Variants in INSM1 observed in about 807,000 individuals in gnomAD.
The protein encoded by INSM1 is INSM transcriptional repressor 1.
Under a neutral mutation model 21.1 loss-of-function variants are expected in INSM1, and 11 were observed. The ratio of observed to expected loss-of-function variants is 0.52; its 90% confidence interval spans 0.33 to 0.86. The LOEUF is 0.86. INSM1 is among the 40% of genes least tolerant of loss of function. INSM1 has a pLI of 0.03. For missense variants in INSM1, 843 were observed against 760.1 expected (o/e 1.11, Z -1.28); for synonymous variants, 473 against 386.1 (o/e 1.23, Z -2.64).
In INSM1 at chr20:20,369,374, C is replaced by T; in HGVS notation, c.1107C>T (p.Cys369=). ...ESGSEDGLYE[C]HHCAKKFRRQ... ...GCTCCGAGGACGGGCTCTACGAGTG[C>T]CATCACTGCGCCAAGAAGTTCCGCC... is the stretch of plus-strand genomic sequence containing the variant. Residue 369 remains cysteine (C), a synonymous_variant, in exon 1 of 1, where the codon TGC becomes TGT. Coordinates refer to ENST00000310227, the MANE Select transcript of INSM1 (RefSeq NM_002196.3). This position sits in a 1 kb window ranked among gnomAD's most constrained non-coding sequence, Gnocchi z 5.6. 6.5e-7 allele frequency: 1 copy of T among 1,544,646 alleles called. No individual in the cohort carries two copies. The highest frequency in any genetic ancestry group is 1.9e-5 in the Admixed American group (1 of 52,030).
chr20:20,369,624 A>G lies in INSM1; in HGVS notation c.1357A>G (p.Lys453Glu). The change falls in exon 1 of 1, where the codon AAG becomes GAG. Residue 453 changes from lysine (K) to glutamate (E), a missense_variant. By Grantham distance (56) the Lys-to-Glu change is moderately conservative (BLOSUM62 1). Coordinates refer to ENST00000310227, the MANE Select transcript of INSM1 (RefSeq NM_002196.3). The surrounding 1 kb of genome is among the most constrained non-coding windows in gnomAD (Gnocchi z 5.6). ...AGTGTGCGGAGAGTCGTTCGCCAGC[A>G]AGGGCGCTCAGGAGCGCCACCTGCG... is the stretch of plus-strand genomic sequence containing the variant. Reference protein sequence around the residue: ...CPVCGESFASKGAQERHLRLL... With the variant: ...CPVCGESFASEGAQERHLRLL... 1 of 1,600,724 alleles carries G rather than the reference A, an allele frequency of 6.2e-7. No homozygotes were observed. Among genetic ancestry groups the G allele is most frequent in the Non-Finnish European group, 8.5e-7 (1 of 1,179,696 alleles).
In INSM1 at chr20:20,370,561, G is replaced by A. The variant is rs557726853; in HGVS notation, c.*761G>A. The A allele has an allele frequency of 6.0e-6, 1 of 166,946 alleles. No individual in the cohort carries two copies. Among genetic ancestry groups the A allele is most frequent in the Non-Finnish European group, 1.5e-5 (1 of 68,090 alleles). The allele number at this position is 166,946 out of a possible 1,614,324, so 10.3% of individuals were successfully genotyped here. A position where few individuals can be genotyped will look rare whatever the true frequency, so the allele number is the denominator to read the frequency against. ...CCTCTAAATGTATATGTTGATTTAT[G>A]AGTAATTGTTATTTATTCTTTATTT... On this transcript the variant is annotated 3_prime_UTR_variant, in exon 1 of 1. Transcript: ENST00000310227.
chr20:20,368,622 A>C lies in INSM1; in HGVS notation c.355A>C (p.Ser119Arg), dbSNP rs768352087. Residue 119 changes from serine (S) to arginine (R), a missense_variant, in exon 1 of 1, where the codon AGC (serine) becomes CGC (arginine). Transcript: ENST00000310227. The surrounding 1 kb of genome is among the most constrained non-coding windows in gnomAD (Gnocchi z 4.3). ...EHEKHKYFER[S>R]FNLGSPVSAE... Reference sequence around the variant, plus strand: ...CGAGAAGCACAAGTACTTCGAACGCAGCTTCAACCTGGGCTCGCCGGTCTC... The same window carrying C: ...CGAGAAGCACAAGTACTTCGAACGCCGCTTCAACCTGGGCTCGCCGGTCTC... 1.4e-6 allele frequency: 2 copies of C among 1,462,008 alleles called. No homozygotes were observed. The highest frequency in any genetic ancestry group is 1.3e-5 in the South Asian group (1 of 79,674). The allele number at this position is 1,462,008 out of a possible 1,614,324, so 90.6% of individuals were successfully genotyped here. A position where few individuals can be genotyped will look rare whatever the true frequency, so the allele number is the denominator to read the frequency against.
In INSM1 at chr20:20,369,576, T is replaced by C. The variant is rs780094822; in HGVS notation, c.1309T>C (p.Ser437Pro). 19 of 1,597,688 alleles carry C rather than the reference T, an allele frequency of 1.2e-5. No homozygotes were observed. The East Asian group carries it at 3.1e-4, about 26-fold the overall frequency. ...GGCCGGCGTGCTGGGCCTGAGTGCGTCCGCCGAGTGCCACCTGTGCCCAGT... is the reference window on the plus strand; with the variant it reads ...GGCCGGCGTGCTGGGCCTGAGTGCGCCCGCCGAGTGCCACCTGTGCCCAGT... ...EGAGVLGLSA[S>P]AECHLCPVCG... The change falls in exon 1 of 1, where the codon TCC (serine) becomes CCC (proline). Residue 437 changes from serine to proline, a missense_variant. Transcript: ENST00000310227. This position sits in a 1 kb window ranked among gnomAD's most constrained non-coding sequence, Gnocchi z 5.6.
rs7272722 is a variant in INSM1, at chr20:20,370,190, A to G, written c.*390A>G. 5.0e-6 allele frequency: 1 copy of G among 201,572 alleles called. No individual in the cohort carries two copies. The highest frequency in any genetic ancestry group is 1.7e-4 in the South Asian group (1 of 5,860). 12.5% of individuals were successfully genotyped at this position (201,572 alleles called of 1,614,324 possible). ...AATGCGGTCTGGTCTCGCCTCGCCT[A>G]CCAATCTCTGCTCTCTATGTATGTA... On this transcript the variant is annotated 3_prime_UTR_variant, in exon 1 of 1. Coordinates refer to ENST00000310227, the MANE Select transcript of INSM1 (RefSeq NM_002196.3).
In INSM1 at chr20:20,368,222, G is replaced by GCGGAGGGGGGACCGAGC; in HGVS notation, c.-44_-28dup. On this transcript the variant is annotated 5_prime_UTR_variant, in exon 1 of 1. Transcript: ENST00000310227. The surrounding 1 kb of genome is among the most constrained non-coding windows in gnomAD (Gnocchi z 4.3). ...GCACTGAGGGCCGCCGGGGCCGAGC[G>GCGGAGGGGGGACCGAGC]CGGAGGGGGGACCGAGCCAGTGCCG... is the stretch of plus-strand genomic sequence containing the variant. The GCGGAGGGGGGACCGAGC allele has an allele frequency of 1.9e-6, 2 of 1,080,974 alleles. No homozygotes were observed. The highest frequency in any genetic ancestry group is 2.2e-6 in the Non-Finnish European group (2 of 890,728). The allele number at this position is 1,080,974 out of a possible 1,614,324, so 67.0% of individuals were successfully genotyped here.
chr20:20,368,250 C>T lies in INSM1; in HGVS notation c.-18C>T. On this transcript the variant is annotated 5_prime_UTR_variant, in exon 1 of 1. Transcript: ENST00000310227. The surrounding 1 kb of genome is among the most constrained non-coding windows in gnomAD (Gnocchi z 4.3). ...GAGGGGGGACCGAGCCAGTGCCGTG[C>T]CCTCGGGCCGCGCCAACATGCCCCG... is the stretch of plus-strand genomic sequence containing the variant. 8.2e-7 allele frequency: 1 copy of T among 1,213,394 alleles called. No individual in the cohort carries two copies. The highest frequency in any genetic ancestry group is 1.0e-6 in the Non-Finnish European group (1 of 962,996). The allele number at this position is 1,213,394 out of a possible 1,614,324, so 75.2% of individuals were successfully genotyped here.
chr20:20,368,731 G>T lies in INSM1; in HGVS notation c.464G>T (p.Cys155Phe), dbSNP rs2122525984. The change falls in exon 1 of 1, where the codon TGC becomes TTC. Residue 155 changes from cysteine (C) to phenylalanine (F), a missense_variant. Cys to Phe is a radical substitution (Grantham distance 205). Coordinates refer to ENST00000310227, the MANE Select transcript of INSM1 (RefSeq NM_002196.3). This position sits in a 1 kb window ranked among gnomAD's most constrained non-coding sequence, Gnocchi z 4.3. The stretch of plus-strand genomic sequence containing the variant: ...AGCGGAGCTGGCGGAGGCGGCACCT[G>T]CGGCGGCGACCCGCTGCTCTTCGCG... The part of the protein sequence containing the change: ...GASGAGGGGT[C>F]GGDPLLFAPA... The T allele has an allele frequency of 3.0e-5, 36 of 1,188,376 alleles. No homozygotes were observed. The highest frequency in any genetic ancestry group is 3.8e-5 in the Non-Finnish European group (36 of 948,290). The allele number at this position is 1,188,376 out of a possible 1,614,324, so 73.6% of individuals were successfully genotyped here. A position where few individuals can be genotyped will look rare whatever the true frequency, so the allele number is the denominator to read the frequency against.
Position 20,369,598 on chromosome 20 carries a change from C to T in INSM1, c.1331C>T (p.Pro444Leu), listed in dbSNP as rs748646966. The change falls in exon 1 of 1, where the codon CCA (proline) becomes CTA (leucine). Residue 444 changes from proline (P) to leucine (L), a missense_variant. Transcript: ENST00000310227. This position sits in a 1 kb window ranked among gnomAD's most constrained non-coding sequence, Gnocchi z 5.6. ...LSASAECHLC[P>L]VCGESFASKG... ...GCGTCCGCCGAGTGCCACCTGTGCCCAGTGTGCGGAGAGTCGTTCGCCAGC... is the reference window on the plus strand; with the variant it reads ...GCGTCCGCCGAGTGCCACCTGTGCCTAGTGTGCGGAGAGTCGTTCGCCAGC... 7 of 1,600,432 alleles carry T rather than the reference C, an allele frequency of 4.4e-6. No individual in the cohort carries two copies. In the Admixed American group the frequency reaches 6.7e-5, roughly 15 times the overall value.
Position 20,369,096 on chromosome 20 carries a change from G to C in INSM1, c.829G>C (p.Ala277Pro). ...FICQLCKEEYADPFALAQHKC... is the reference protein window; with the variant it reads ...FICQLCKEEYPDPFALAQHKC... ...CTGCCAGCTGTGCAAGGAGGAGTAC[G>C]CCGACCCGTTCGCGCTGGCGCAGCA... Residue 277 changes from alanine to proline, a missense_variant, in exon 1 of 1, where the codon GCC becomes CCC. Ala to Pro is a conservative substitution (Grantham distance 27, BLOSUM62 -1). Transcript: ENST00000310227. This position sits in a 1 kb window ranked among gnomAD's most constrained non-coding sequence, Gnocchi z 5.6. 6.3e-7 allele frequency: 1 copy of C among 1,587,374 alleles called. No individual in the cohort carries two copies. The highest frequency in any genetic ancestry group is 1.4e-5 in the African/African-American group (1 of 71,962).
chr20:20,370,484 C>T lies in INSM1; in HGVS notation c.*684C>T, dbSNP rs1351771970. 1 of 167,084 alleles carries T rather than the reference C, an allele frequency of 6.0e-6. No homozygotes were observed. Among genetic ancestry groups the T allele is most frequent in the Non-Finnish European group, 1.5e-5 (1 of 68,144 alleles). 10.4% of individuals were successfully genotyped at this position (167,084 alleles called of 1,614,324 possible). A position where few individuals can be genotyped will look rare whatever the true frequency, so the allele number is the denominator to read the frequency against. ...TGCTGTAGTAACTGCCTCAGTGTTT[C>T]ACGTAAGACTTTTTGGTTTGATCAT... is the stretch of plus-strand genomic sequence containing the variant. On this transcript the variant is annotated 3_prime_UTR_variant, in exon 1 of 1. Coordinates refer to ENST00000310227, the MANE Select transcript of INSM1 (RefSeq NM_002196.3).
rs2059492785 is a variant in INSM1, at chr20:20,369,793, C to T, written c.1526C>T (p.Ala509Val). 6.3e-7 allele frequency: 1 copy of T among 1,591,706 alleles called. No individual in the cohort carries two copies. The change falls in exon 1 of 1, where the codon GCC (alanine) becomes GTC (valine). Residue 509 changes from alanine (A) to valine (V), a missense_variant. By Grantham distance (64) the Ala-to-Val change is moderately conservative (BLOSUM62 0). Transcript: ENST00000310227. The surrounding 1 kb of genome is among the most constrained non-coding windows in gnomAD (Gnocchi z 5.6). ...CTCCTGCAGGTGCCCGTGCGCCCGGCCTGCTAGAGCGCGCCCTCCACCCCG... is the reference window on the plus strand; with the variant it reads ...CTCCTGCAGGTGCCCGTGCGCCCGGTCTGCTAGAGCGCGCCCTCCACCCCG... ...VILLQVPVRP[A>V]C
Position 20,369,945 on chromosome 20 carries a change from C to G in INSM1, c.*145C>G. On this transcript the variant is annotated 3_prime_UTR_variant, in exon 1 of 1. Coordinates refer to ENST00000310227, the MANE Select transcript of INSM1 (RefSeq NM_002196.3). The surrounding 1 kb of genome is among the most constrained non-coding windows in gnomAD (Gnocchi z 5.6). ...GGGTGAAAGTGTCGTCTCCGCTTCT[C>G]TCGGTGTGGCGTGACGGTAACCCCA... The G allele has an allele frequency of 2.9e-6, 2 of 696,002 alleles. No homozygotes were observed. Among genetic ancestry groups the G allele is most frequent in the Non-Finnish European group, 4.8e-6 (2 of 416,624 alleles). 43.1% of individuals were successfully genotyped at this position (696,002 alleles called of 1,614,324 possible).
Position 20,368,803 on chromosome 20 carries a change from C to A in INSM1, c.536C>A (p.Ala179Glu), listed in dbSNP as rs1602217015. The change falls in exon 1 of 1, where the codon GCG (alanine) becomes GAG (glutamate). Residue 179 changes from alanine (A) to glutamate (E), a missense_variant. Coordinates refer to ENST00000310227, the MANE Select transcript of INSM1 (RefSeq NM_002196.3). This position sits in a 1 kb window ranked among gnomAD's most constrained non-coding sequence, Gnocchi z 4.3. The stretch of plus-strand genomic sequence containing the variant: ...ACGGCGTTCTCGGCTGGCGCCGAGG[C>A]GGCCCGCGGCCCGGGCCCCGGCCCC... ...MGTAFSAGAEAARGPGPGPPL... is the reference protein window; with the variant it reads ...MGTAFSAGAEEARGPGPGPPL... 1 of 1,076,108 alleles carries A rather than the reference C, an allele frequency of 9.3e-7. No homozygotes were observed. The highest frequency in any genetic ancestry group is 1.2e-6 in the Non-Finnish European group (1 of 863,732). The allele number at this position is 1,076,108 out of a possible 1,614,324, so 66.7% of individuals were successfully genotyped here. A position where few individuals can be genotyped will look rare whatever the true frequency, so the allele number is the denominator to read the frequency against.
At position 20,369,808 on chromosome 20, in the gene INSM1, C is replaced by G. The variant is rs1247270705; in HGVS notation, c.*8C>G. ...GTGCGCCCGGCCTGCTAGAGCGCGC[C>G]CTCCACCCCGGCCCCCGAACTGTGC... On this transcript the variant is annotated 3_prime_UTR_variant, in exon 1 of 1. Coordinates refer to ENST00000310227, the MANE Select transcript of INSM1 (RefSeq NM_002196.3). This position sits in a 1 kb window ranked among gnomAD's most constrained non-coding sequence, Gnocchi z 5.6. 6 of 1,580,568 alleles carry G rather than the reference C, an allele frequency of 3.8e-6. No homozygotes were observed. The highest frequency in any genetic ancestry group is 5.2e-6 in the Non-Finnish European group (6 of 1,162,478).
rs2059493244 is a variant in INSM1, at chr20:20,369,853, AAG to A, written c.*58_*59del. ...CTGTGCCTTCGCTTGGAGACCCACA[AAG>A]AGAGTGCGCCCTGCACTCCCCGAAC... On this transcript the variant is annotated 3_prime_UTR_variant, in exon 1 of 1. Coordinates refer to ENST00000310227, the MANE Select transcript of INSM1 (RefSeq NM_002196.3). The surrounding 1 kb of genome is among the most constrained non-coding windows in gnomAD (Gnocchi z 5.6). The A allele has an allele frequency of 1.3e-6, 2 of 1,498,784 alleles. No homozygotes were observed. Among genetic ancestry groups the A allele is most frequent in the Non-Finnish European group, 1.8e-6 (2 of 1,108,118 alleles). The allele number at this position is 1,498,784 out of a possible 1,614,324, so 92.8% of individuals were successfully genotyped here.
In INSM1 at chr20:20,369,975, C is replaced by T. The variant is rs2059493972; in HGVS notation, c.*175C>T. On this transcript the variant is annotated 3_prime_UTR_variant, in exon 1 of 1. Coordinates refer to ENST00000310227, the MANE Select transcript of INSM1 (RefSeq NM_002196.3). This position sits in a 1 kb window ranked among gnomAD's most constrained non-coding sequence, Gnocchi z 5.6. Reference sequence around the variant, plus strand: ...TGTGGCGTGACGGTAACCCCATACTCTCCTTTTGACTCCTTTTGGAACCCC... The same window carrying T: ...TGTGGCGTGACGGTAACCCCATACTTTCCTTTTGACTCCTTTTGGAACCCC... 3 of 589,092 alleles carry T rather than the reference C, an allele frequency of 5.1e-6. No individual in the cohort carries two copies. In the South Asian group the frequency reaches 7.0e-5, roughly 14 times the overall value. The allele number at this position is 589,092 out of a possible 1,614,324, so 36.5% of individuals were successfully genotyped here. A position where few individuals can be genotyped will look rare whatever the true frequency, so the allele number is the denominator to read the frequency against.
chr20:20,369,901 C>T lies in INSM1; in HGVS notation c.*101C>T. ...CGAACCCGAGTCCGCGCTGGGGGAG[C>T]CTCGCCCCCGCCCCCACCGGGTGAA... On this transcript the variant is annotated 3_prime_UTR_variant, in exon 1 of 1. Coordinates refer to ENST00000310227, the MANE Select transcript of INSM1 (RefSeq NM_002196.3). This position sits in a 1 kb window ranked among gnomAD's most constrained non-coding sequence, Gnocchi z 5.6. 1 of 996,020 alleles carries T rather than the reference C, an allele frequency of 1.0e-6. No homozygotes were observed. Among genetic ancestry groups the T allele is most frequent in the East Asian group, 2.9e-5 (1 of 34,990 alleles). The allele number at this position is 996,020 out of a possible 1,614,324, so 61.7% of individuals were successfully genotyped here. A position where few individuals can be genotyped will look rare whatever the true frequency, so the allele number is the denominator to read the frequency against.
In INSM1 at chr20:20,369,162, G is replaced by A; in HGVS notation, c.895G>A (p.Glu299Lys). 1 of 1,579,126 alleles carries A rather than the reference G, an allele frequency of 6.3e-7. No homozygotes were observed. The highest frequency in any genetic ancestry group is 8.6e-7 in the Non-Finnish European group (1 of 1,169,478). Reference protein sequence around the residue: ...RIVRVEYRCPECAKVFSCPAN... With the variant: ...RIVRVEYRCPKCAKVFSCPAN... ...CGTGCGTGTGGAGTACCGCTGTCCC[G>A]AGTGCGCCAAGGTCTTCAGCTGCCC... is the stretch of plus-strand genomic sequence containing the variant. The change falls in exon 1 of 1, where the codon GAG becomes AAG. Residue 299 changes from glutamate (E) to lysine (K), a missense_variant. By Grantham distance (56) the Glu-to-Lys change is moderately conservative. Coordinates refer to ENST00000310227, the MANE Select transcript of INSM1 (RefSeq NM_002196.3). This position sits in a 1 kb window ranked among gnomAD's most constrained non-coding sequence, Gnocchi z 5.6.
Sources: gnomAD v4.1 joint callset for allele counts on GRCh38, gnomAD v4.1.1 for gene constraint, Gnocchi (gnomAD v3.1) non-coding constraint, MANE v1.5 for transcripts, NCBI Gene and HGNC (gene_info 2026-07-23, HGNC 2026-07-21) for gene names.